MGRN1: variants seen among roughly 807,000 people sequenced by gnomAD.
MGRN1 encodes mahogunin ring finger 1.
Under a neutral mutation model 69.2 loss-of-function variants are expected in MGRN1, and 29 were observed. The ratio of observed to expected loss-of-function variants is 0.42; its 90% CI spans 0.31 to 0.57. The LOEUF is 0.57. Among genes scored for constraint, MGRN1 ranks in the 20% least tolerant of loss-of-function variants. The probability of loss-of-function intolerance (pLI) is 0.15; values close to 1 mark genes in which losing one functional copy is unlikely to be tolerated. For synonymous variants in MGRN1, 470 were observed against 344.2 expected (o/e 1.37, Z -4.04); for missense variants, 998 against 796.2 (o/e 1.25, Z -3.05).
chr16:4,665,255 G>C (rs1567212136), intron 7 of MGRN1, 104 bp downstream of exon 7: 3 of 1,297,928 alleles, frequency 2.3e-6, no homozygotes, highest in African/African-American at 1.5e-5. Context: ...TGGTGGGGTG[G>C]CTGAGTGTCA....
At chr16:4,688,044 G>A (rs773089921) in intron 16 of MGRN1, 3 of 985,510 alleles carry the variant, frequency 3.0e-6, no homozygotes, top group Non-Finnish European at 3.6e-6. Context: ...TCTAGAACAG[G>A]GCTCACAGCC....
At chr16:4,679,994 G>T (rs2079142427) in intron 11 of MGRN1, 38 bp from the exon 12 acceptor site, 2 of 1,600,140 alleles carry the variant, frequency 1.2e-6, no homozygotes, top group Non-Finnish European at 1.7e-6. Flanking sequence ...GCCGCGTGGG[G>T]GTGGTAGTTG....
chr16:4,627,602 A>G (rs568562914), intron 1 of MGRN1, among the ~76,000 whole-genome samples: 7 of 151,908 alleles, frequency 4.6e-5, no homozygotes, highest in Admixed American at 3.9e-4. Context: ...CCTGGCTAAC[A>G]CGGGGAAACC....
intron 16 of MGRN1, chr16:4,687,615 G>C: frequency 1.6e-6 from 1 of 638,322 alleles, no homozygotes; most frequent in Non-Finnish European, 1.9e-6. Flanking sequence ...ACACGGGGGA[G>C]AGAGAGAAGG....
intron 5 of MGRN1, among the ~76,000 whole-genome samples, chr16:4,663,300 G>A (rs2141918428): frequency 6.6e-6 from 1 of 150,854 alleles, no homozygotes; most frequent in South Asian, 2.1e-4. Flanking sequence ...CTGACCTCAG[G>A]TGATCCGCCA....
rs746464025 is a variant in MGRN1 at position 4,657,313 on chromosome 16, T to C, written c.511T>C (p.Phe171Leu). The change falls in exon 5 of 17, where the codon TTC becomes CTC. Residue 171 changes from phenylalanine (F) to leucine (L), a missense_variant. Phe to Leu is a conservative substitution (Grantham distance 22, BLOSUM62 0). Transcript: ENST00000262370. ...CTACAAGAGAGGGGTGAGCCAGCAGTTCTCCCTGCCCTCCTTCAAGATTGA... is the reference window on the plus strand; with the variant it reads ...CTACAAGAGAGGGGTGAGCCAGCAGCTCTCCCTGCCCTCCTTCAAGATTGA... Reference protein sequence around the residue: ...VHYKRGVSQQFSLPSFKIDFS... With the variant: ...VHYKRGVSQQLSLPSFKIDFS... 3.1e-6 allele frequency: 5 copies of C among 1,614,030 alleles called. No individual in the cohort carries two copies. Among genetic ancestry groups the C allele is most frequent in the African/African-American group, 1.3e-5 (1 of 74,924 alleles).
intron 10 of MGRN1, chr16:4,677,216 T>C: frequency 2.6e-6 from 1 of 389,422 alleles, no homozygotes; most frequent in Non-Finnish European, 4.6e-6. Flanking sequence ...TCTCTCGTCT[T>C]TGGAGCGCCC....
rs113174084 is a variant in MGRN1 at position 4,688,194 on chromosome 16, C to G, written c.1619-602C>G. On this transcript the variant is annotated intron_variant, in intron 16 of 16. Transcript: ENST00000262370. ...GGCAGCCCTGAGGCCATGCTGGCCC[C>G]GTCCCAGGCTCTGCACCAGCACCAT... is the stretch of plus-strand genomic sequence containing the variant. 5 of 985,574 alleles carry G rather than the reference C, an allele frequency of 5.1e-6. No homozygotes were observed. The African/African-American group carries it at 8.7e-5, about 17-fold the overall frequency. The allele number at this position is 985,574 out of a possible 1,614,324, so 61.1% of individuals were successfully genotyped here.
chr16:4,652,897 TACTA>T, intron 4 of MGRN1, 73 bp downstream of exon 4: 1 of 1,468,674 alleles, frequency 6.8e-7, no homozygotes, highest in Non-Finnish European at 9.0e-7. Context: ...CTGTCCACCT[TACTA>T]ACCAGAGGGA....
In MGRN1 at chr16:4,688,940, C is replaced by G; in HGVS notation, c.*32C>G. On this transcript the variant is annotated 3_prime_UTR_variant, in exon 17 of 17. Transcript: ENST00000262370. ...GGCCGAGCTGGCAGCATGGAGCCCT[C>G]GGCTCCCCAGACTTTGCCGAGGGGC... The G allele has an allele frequency of 6.6e-7, 1 of 1,521,426 alleles. No homozygotes were observed. The highest frequency in any genetic ancestry group is 2.5e-5 in the East Asian group (1 of 40,264). 94.2% of individuals were successfully genotyped at this position (1,521,426 alleles called of 1,614,324 possible).
chr16:4,646,898 G>T (rs1316517239), intron 1 of MGRN1, among the ~76,000 whole-genome samples: 1 of 152,180 alleles, frequency 6.6e-6, no homozygotes, highest in Non-Finnish European at 1.5e-5. Context: ...GGGCCATGGA[G>T]TGCCCAGTGC....
intron 1 of MGRN1, among the ~76,000 whole-genome samples, chr16:4,644,373 C>T (rs9939230): frequency 0.041 from 6,140 of 150,068 alleles, 433 homozygotes; most frequent in African/African-American, 0.14. Flanking sequence ...ACAGCTGGCC[C>T]AATCTCAGCT....
chr16:4,683,175 G>GT, intron 14 of MGRN1, 49 bp from the exon 15 acceptor site: 1 of 1,606,482 alleles, frequency 6.2e-7, no homozygotes, highest in South Asian at 1.1e-5. Flanking sequence ...TCCTGGAGCG[G>GT]TGGCCGCGGC....
At chr16:4,672,286 A>G (rs1395924602) in intron 9 of MGRN1, 1 of 453,440 alleles carries the variant, frequency 2.2e-6, no homozygotes, top group African/African-American at 2.0e-5. Flanking sequence ...ATCTCAAGTG[A>G]TCTGCCTGCC....
intron 11 of MGRN1, among the ~76,000 whole-genome samples, chr16:4,679,707 G>A (rs1301595973): frequency 6.6e-6 from 1 of 152,214 alleles, no homozygotes; most frequent in African/African-American, 2.4e-5. Flanking sequence ...ATTAGGCAGC[G>A]TTCAGCTGCC....
At chr16:4,677,848 T>TTTTTTTC (rs2079087790) in intron 11 of MGRN1, among the ~76,000 whole-genome samples, 1 of 148,424 alleles carries the variant, frequency 6.7e-6, no homozygotes, top group African/African-American at 2.5e-5. Context: ...TTTTTTTTTT[T>TTTTTTTC]TTTTTTCTTT....
At chr16:4,647,648 C>T (rs753255893) in intron 1 of MGRN1, among the ~76,000 whole-genome samples, 1 of 152,224 alleles carries the variant, frequency 6.6e-6, no homozygotes, top group East Asian at 1.9e-4. Context: ...AGTGTGTTAA[C>T]TTGTTTTCTT....
intron 1 of MGRN1, among the ~76,000 whole-genome samples, chr16:4,642,237 T>C (rs1205442715): frequency 6.6e-6 from 1 of 151,972 alleles, no homozygotes; most frequent in African/African-American, 2.4e-5. Context: ...TTCGAGAGAT[T>C]CTCCTGTCTC....
intron 1 of MGRN1, among the ~76,000 whole-genome samples, chr16:4,642,298 A>T (rs549723587): frequency 6.6e-6 from 1 of 150,482 alleles, no homozygotes; most frequent in African/African-American, 2.4e-5. Flanking sequence ...TTGTATTTTT[A>T]TTTATTTATT....
Sources: allele counts gnomAD v4.1 joint callset (sites outside exome capture counted in the v4.1 genomes callset), GRCh38; gene constraint gnomAD v4.1.1; transcripts MANE v1.5; gene names NCBI Gene and HGNC (gene_info 2026-07-23, HGNC 2026-07-21).